The following DOK6 variants were observed in gnomAD, a reference collection of about 807,000 sequenced individuals.
DOK6 encodes the protein downstream of tyrosine kinase 6.
DOK6 carries 22 observed loss-of-function variants against 44.0 expected under a neutral mutation model. The observed-to-expected ratio is 0.50, with a 90% confidence interval of 0.36 to 0.71. DOK6 has a LOEUF of 0.71. DOK6 is among the 30% of genes least tolerant of loss of function. The probability of loss-of-function intolerance (pLI) is 0.00; values close to 1 mark genes in which losing one functional copy is unlikely to be tolerated. For synonymous variants in DOK6, 166 were observed against 145.5 expected (o/e 1.14, Z -1.01); for missense variants, 340 against 416.4 (o/e 0.82, Z 1.60).
At chr18:69,795,574 A>T (rs1211844031) in intron 7 of DOK6, among the ~76,000 whole-genome samples, 2 of 152,196 alleles carry the variant, frequency 1.3e-5, no homozygotes, top group African/African-American at 4.8e-5. Flanking sequence ...ACATTGTTTA[A>T]TGTGAGAACA....
chr18:69,731,846 G>C (rs1978415212), intron 5 of DOK6, among the ~76,000 whole-genome samples: 1 of 152,152 alleles, frequency 6.6e-6, no homozygotes, highest in Non-Finnish European at 1.5e-5. Flanking sequence ...CAGAATTCAA[G>C]TTTCTGCTTG....
intron 1 of DOK6, among the ~76,000 whole-genome samples, chr18:69,428,288 C>T (rs1978700869): frequency 6.6e-6 from 1 of 151,960 alleles, no homozygotes; most frequent in Non-Finnish European, 1.5e-5. Flanking sequence ...AATGTGGGCT[C>T]TGTATACAAA....
chr18:69,737,748 C>G (rs552112979), intron 5 of DOK6, among the ~76,000 whole-genome samples: 2 of 152,158 alleles, frequency 1.3e-5, no homozygotes, highest in African/African-American at 2.4e-5. Context: ...CAAGCTCTTG[C>G]GCGGGGCAGA....
At chr18:69,418,974 A>C (rs1978412095) in intron 1 of DOK6, among the ~76,000 whole-genome samples, 1 of 152,078 alleles carries the variant, frequency 6.6e-6, no homozygotes, top group Admixed American at 6.6e-5. Flanking sequence ...GGAAAATATA[A>C]ATGTTAATCA....
chr18:69,434,950 G>GGAA (rs1555701464), intron 1 of DOK6, among the ~76,000 whole-genome samples: 38 of 76,024 alleles, frequency 5.0e-4, no homozygotes, highest in Admixed American at 9.0e-4. Flanking sequence ...GAGGGAGGGA[G>GGAA]GGAGGGAAGG....
intron 3 of DOK6, among the ~76,000 whole-genome samples, chr18:69,614,952 T>C (rs1223285204): frequency 6.6e-6 from 1 of 152,062 alleles, no homozygotes; most frequent in East Asian, 1.9e-4. Flanking sequence ...TGCTTAAGAA[T>C]AGAAGAAGGG....
rs1228035381 is a variant in DOK6, at chr18:69,848,543, G to C, written c.*7160G>C. On this transcript the variant is annotated 3_prime_UTR_variant, in exon 8 of 8. Coordinates refer to ENST00000382713, the MANE Select transcript of DOK6 (RefSeq NM_152721.6). ...GGAACTGAAATGTGAATTTCTAGCA[G>C]AACAGAAAATATTATAATAATGAGG... 6.6e-6 allele frequency: 1 copy of C among 152,106 alleles called. No homozygotes were observed. The highest frequency in any genetic ancestry group is 2.4e-5 in the African/African-American group (1 of 41,416). 9.4% of individuals were successfully genotyped at this position (152,106 alleles called of 1,614,324 possible). A position where few individuals can be genotyped will look rare whatever the true frequency, so the allele number is the denominator to read the frequency against.
At chr18:69,431,616 G>A (rs1978808708) in intron 1 of DOK6, among the ~76,000 whole-genome samples, 1 of 152,110 alleles carries the variant, frequency 6.6e-6, no homozygotes, top group South Asian at 2.1e-4. Context: ...GCCCAAGAAT[G>A]GCAGGGCTGA....
intron 1 of DOK6, among the ~76,000 whole-genome samples, chr18:69,481,582 A>G (rs954130592): frequency 6.6e-6 from 1 of 152,130 alleles, no homozygotes; most frequent in Non-Finnish European, 1.5e-5. Flanking sequence ...ATAGTATACC[A>G]TGGTGTATGT....
intron 2 of DOK6, among the ~76,000 whole-genome samples, chr18:69,595,013 C>A (rs2068961975): frequency 6.6e-6 from 1 of 151,908 alleles, no homozygotes; most frequent in Non-Finnish European, 1.5e-5. Context: ...TTTACAATAC[C>A]TCAAAAAATA....
Position 69,536,974 on chromosome 18 carries a change from T to TTTATTATTATTATTATTA in DOK6, c.67-27509_67-27508insTATTATTATTATTATTAT, listed in dbSNP as rs780018877. 5.8e-4 allele frequency among the ~76,000 whole-genome samples: 58 copies of TTTATTATTATTATTATTA among 100,606 alleles called. 1 individual carries two copies. Among genetic ancestry groups the TTTATTATTATTATTATTA allele is most frequent in the South Asian group, 2.7e-3 (9 of 3,320 alleles). The allele number at this position is 100,606 out of a possible 152,430, so 66.0% of individuals were successfully genotyped here. On this transcript the variant is annotated intron_variant, in intron 1 of 7. Coordinates refer to ENST00000382713, the MANE Select transcript of DOK6 (RefSeq NM_152721.6). ...TCACATTAACATACACGACAGAAGATTTATCATTATTATTATTATTATTAT... is the reference window on the plus strand; with the variant it reads ...TCACATTAACATACACGACAGAAGATTTATTATTATTATTATTATTATCATTATTATTATTATTATTAT...
At chr18:69,605,471 T>C (rs192303751) in intron 3 of DOK6, among the ~76,000 whole-genome samples, 1 of 152,264 alleles carries the variant, frequency 6.6e-6, no homozygotes, top group East Asian at 1.9e-4. Context: ...TCATATGCTG[T>C]CTTTTCCTTG....
intron 1 of DOK6, among the ~76,000 whole-genome samples, chr18:69,516,178 T>C (rs77812021): frequency 0.014 from 2,061 of 152,310 alleles, 47 homozygotes; most frequent in African/African-American, 0.046. Flanking sequence ...TTTTACAAAG[T>C]GTGCTATCTC....
At chr18:69,766,605 A>G (rs565374284) in intron 7 of DOK6, among the ~76,000 whole-genome samples, 4 of 152,308 alleles carry the variant, frequency 2.6e-5, no homozygotes, top group African/African-American at 9.6e-5. Context: ...AGAAAATCAT[A>G]AAGAGGAGAA....
At chr18:69,487,028 C>T (rs1012773828) in intron 1 of DOK6, among the ~76,000 whole-genome samples, 2 of 152,000 alleles carry the variant, frequency 1.3e-5, no homozygotes, top group Non-Finnish European at 2.9e-5. Flanking sequence ...GTAAGTTTCC[C>T]AACCCTGCCT....
rs1978305128 is a variant in DOK6, at chr18:69,726,007, AC to A, written c.600-12957del. ...ACTCCTGTGTCTTGTAGATGAAGTCACTCAGTGGGGAGAATTTGATTGTCTC... is the reference window on the plus strand; with the variant it reads ...ACTCCTGTGTCTTGTAGATGAAGTCATCAGTGGGGAGAATTTGATTGTCTC... On this transcript the variant is annotated intron_variant, in intron 5 of 7. Transcript: ENST00000382713. Among the ~76,000 whole-genome samples, 3 of 152,210 alleles carry A rather than the reference AC, an allele frequency of 2.0e-5. No homozygotes were observed. The South Asian group carries it at 6.2e-4, about 32-fold the overall frequency.
intron 1 of DOK6, among the ~76,000 whole-genome samples, chr18:69,491,156 C>G (rs1478040678): frequency 6.6e-6 from 1 of 152,112 alleles, no homozygotes; most frequent in Non-Finnish European, 1.5e-5. Flanking sequence ...ACTAAACATT[C>G]AGTAAGTGTT....
chr18:69,525,847 AC>A (rs1981815848), intron 1 of DOK6, among the ~76,000 whole-genome samples: 1 of 152,064 alleles, frequency 6.6e-6, no homozygotes, highest in South Asian at 2.1e-4. Context: ...AATTTTTCCA[AC>A]CATTTAAAAA....
At chr18:69,470,486 G>A (rs1373102801) in intron 1 of DOK6, among the ~76,000 whole-genome samples, 3 of 152,190 alleles carry the variant, frequency 2.0e-5, no homozygotes, top group Middle Eastern at 6.8e-3. Context: ...GCCCCCAGGC[G>A]CACCTGTTTA....
Sources: gnomAD v4.1 joint callset for allele counts (sites outside exome capture counted in the v4.1 genomes callset) on GRCh38, gnomAD v4.1.1 for gene constraint, MANE v1.5 for transcripts, NCBI Gene and HGNC (gene_info 2026-07-23, HGNC 2026-07-21) for gene names.